ACOT1: variants seen among roughly 807,000 people sequenced by gnomAD.
The protein encoded by ACOT1 is acyl-CoA thioesterase 1.
A neutral mutation model predicts 15.7 loss-of-function variants in ACOT1; 8 were observed. That is an observed-to-expected ratio of 0.51 (90% confidence interval 0.30 to 0.92). The LOEUF is 0.92. Among genes scored for constraint, ACOT1 ranks in the 40% least tolerant of loss-of-function variants. ACOT1 has a pLI of 0.06. For missense variants in ACOT1, 151 were observed against 539.4 expected, an observed-to-expected ratio of 0.28 and a Z score of 7.13; for synonymous variants, 67 against 241.2, an observed-to-expected ratio of 0.28 and a Z score of 6.69.
At chr14:73,520,648 G>C in the ACOT1 span, 1 of 505,298 alleles carries the variant, frequency 2.0e-6, no homozygotes, top group South Asian at 3.5e-5. Context: ...GAGAAAGCGG[G>C]GAGAGAGAGC....
chr14:73,494,858 A>G, the ACOT1 span, among the ~76,000 whole-genome samples: 1 of 152,130 alleles, frequency 6.6e-6, no homozygotes, highest in Admixed American at 6.6e-5. Context: ...ACCACGCCCA[A>G]CCACCAACCA....
chr14:73,499,880 T>G, the ACOT1 span, among the ~76,000 whole-genome samples: 1 of 152,192 alleles, frequency 6.6e-6, no homozygotes, highest in Admixed American at 6.5e-5. Flanking sequence ...TTGTCCAACA[T>G]GTGGCCTAGG....
At chr14:73,512,148 G>A in the ACOT1 span, 7 of 1,614,118 alleles carry the variant, frequency 4.3e-6, no homozygotes, top group Admixed American at 3.3e-5. Flanking sequence ...GCCACTCTAT[G>A]ACTGAGCCGC....
chr14:73,529,365 A>AAG, the ACOT1 span, among the ~76,000 whole-genome samples: 1 of 150,280 alleles, frequency 6.7e-6, no homozygotes, highest in Admixed American at 6.7e-5. Context: ...AAAAAAAAAA[A>AAG]AAAAAAAAAA....
At chr14:73,491,459 C>T in the ACOT1 span, 1 of 1,428,278 alleles carries the variant, frequency 7.0e-7, no homozygotes, top group Non-Finnish European at 9.1e-7. Context: ...GACCTCGGCC[C>T]TGCTGTGCAC....
At chr14:73,503,045 A>G in the ACOT1 span, 1 of 1,504,050 alleles carries the variant, frequency 6.6e-7, no homozygotes, top group African/African-American at 1.4e-5. Flanking sequence ...AGGTATCATC[A>G]CTTAATGAAT....
the ACOT1 span, among the ~76,000 whole-genome samples, chr14:73,524,310 A>AAAATATATATATATATATATAT: frequency 1.8e-5 from 1 of 54,780 alleles, no homozygotes; most frequent in South Asian, 7.9e-4. Flanking sequence ...AAAAAAAAAA[A>AAAATATATATATATATATATAT]ATATATATAT....
At chr14:73,491,244 G>A in the ACOT1 span, 7 of 1,586,488 alleles carry the variant, frequency 4.4e-6, no homozygotes, top group East Asian at 1.6e-4. Context: ...GACGACCTGG[G>A]GGACGCGCTA....
chr14:73,523,115 TG>T, the ACOT1 span: 2 of 1,607,342 alleles, frequency 1.2e-6, no homozygotes, highest in Non-Finnish European at 1.7e-6. Flanking sequence ...ATAGAAGCAA[TG>T]GGGGAGAAAG....
the ACOT1 span, among the ~76,000 whole-genome samples, chr14:73,531,591 T>C: frequency 9.1e-6 from 1 of 109,478 alleles, no homozygotes; most frequent in African/African-American, 3.0e-5. Flanking sequence ...GTACTTTTAG[T>C]AGAGATGGGG....
At chr14:73,535,485 T>C (rs1202958652), upstream of ACOT1, among the ~76,000 whole-genome samples, 178 of 49,104 alleles carry the variant, frequency 3.6e-3, 22 homozygotes, top group African/African-American at 0.019. Context: ...TTTTTTTTTT[T>C]TTTTTTTTTT....
the ACOT1 span, chr14:73,522,757 G>C: frequency 6.2e-7 from 1 of 1,614,220 alleles, no homozygotes; most frequent in Non-Finnish European, 8.5e-7. Context: ...CAGCCAGGGA[G>C]GTGTCTCCTG....
At chr14:73,495,099 G>A in the ACOT1 span, 1 of 673,218 alleles carries the variant, frequency 1.5e-6, no homozygotes, top group Non-Finnish European at 2.5e-6. Flanking sequence ...TGGTAGCCAA[G>A]AGGGAAGAGA....
the ACOT1 span, chr14:73,499,203 G>C: frequency 7.1e-7 from 1 of 1,411,554 alleles, no homozygotes; most frequent in Middle Eastern, 1.8e-4. Flanking sequence ...AGAAACAGCT[G>C]GGTGCGGTGG....
chr14:73,496,544 G>C, the ACOT1 span: 1 of 1,053,462 alleles, frequency 9.5e-7, no homozygotes, highest in Non-Finnish European at 1.5e-6. Flanking sequence ...GACAGGGTCT[G>C]AGGAACTCTT....
At chr14:73,533,427 C>T (rs1246213062), upstream of ACOT1, among the ~76,000 whole-genome samples, 9 of 115,468 alleles carry the variant, frequency 7.8e-5, no homozygotes, top group African/African-American at 2.5e-4. Flanking sequence ...GCCTGTAATC[C>T]CAGCACTTTG....
the ACOT1 span, among the ~76,000 whole-genome samples, chr14:73,526,336 C>T: frequency 1.3e-5 from 2 of 152,170 alleles, no homozygotes; most frequent in Non-Finnish European, 2.9e-5. Flanking sequence ...TGGCCTGGGG[C>T]CCTGAATACA....
chr14:73,503,200 A>G, the ACOT1 span, among the ~76,000 whole-genome samples: 1 of 152,176 alleles, frequency 6.6e-6, no homozygotes, highest in Non-Finnish European at 1.5e-5. Flanking sequence ...TTTACAGATG[A>G]TAGAATGGAG....
the ACOT1 span, among the ~76,000 whole-genome samples, chr14:73,528,405 A>AAAAAC: frequency 2.6e-5 from 4 of 151,654 alleles, no homozygotes; most frequent in African/African-American, 9.7e-5. Flanking sequence ...AAAAAAAAAA[A>AAAAAC]AAAAAAAAAC....
Sources: gnomAD v4.1 joint callset for allele counts (sites outside exome capture counted in the v4.1 genomes callset) on GRCh38, gnomAD v4.1.1 for gene constraint, MANE v1.5 for transcripts, NCBI Gene and HGNC (gene_info 2026-07-23, HGNC 2026-07-21) for gene names.